ABR: variants seen among roughly 807,000 people sequenced by gnomAD.
The protein encoded by ABR is active breakpoint cluster region-related protein.
ABR carries 35 observed loss-of-function variants against 107.2 expected under a neutral mutation model. The ratio of observed to expected loss-of-function variants is 0.33; its 90% CI spans 0.25 to 0.43. ABR has a LOEUF of 0.43. Ranked by LOEUF, ABR falls within the 20% of genes least tolerant of loss-of-function variation. ABR has a pLI of 1.00. For synonymous variants in ABR, 498 were observed against 462.0 expected, an observed-to-expected ratio of 1.08 and a Z score of -1.00; for missense variants, 815 against 1,115.2, an observed-to-expected ratio of 0.73 and a Z score of 3.83.
At chr17:1,026,443 A>G (rs1003412420) in intron 16 of ABR, among the ~76,000 whole-genome samples, 5 of 152,200 alleles carry the variant, frequency 3.3e-5, no homozygotes, top group Admixed American at 3.3e-4. Flanking sequence ...GGCTGGGGTC[A>G]CGGTCCAGAA....
At chr17:1,049,478 T>G (rs1159656907) in intron 16 of ABR, among the ~76,000 whole-genome samples, 1 of 152,114 alleles carries the variant, frequency 6.6e-6, no homozygotes. Flanking sequence ...ATAAATACCC[T>G]TAACCCGAGG....
intron 16 of ABR, among the ~76,000 whole-genome samples, chr17:1,018,292 TC>T (rs2071354093): frequency 1.3e-5 from 2 of 152,268 alleles, no homozygotes; most frequent in South Asian, 4.1e-4. Context: ...TTCGCCCACC[TC>T]GGCCTCCCAA....
chr17:1,029,829 G>A (rs1276496950), intron 16 of ABR, among the ~76,000 whole-genome samples: 4 of 96,786 alleles, frequency 4.1e-5, no homozygotes, highest in African/African-American at 6.1e-5. Flanking sequence ...TCCACGACAC[G>A]GACACACTGT....
intron 16 of ABR, among the ~76,000 whole-genome samples, chr17:1,029,045 G>C (rs2072482476): frequency 6.6e-6 from 1 of 151,444 alleles, no homozygotes; most frequent in Non-Finnish European, 1.5e-5. Flanking sequence ...CTAGAAGAGG[G>C]AAGGATGGGA....
At chr17:1,182,399 G>C (rs949972900), upstream of ABR, 1 of 152,362 alleles carries the variant, frequency 6.6e-6, no homozygotes, top group Non-Finnish European at 1.5e-5. Context: ...ACAGAGTCTC[G>C]CTCTGTCGCC....
chr17:1,052,312 C>A (rs564286588), intron 14 of ABR, among the ~76,000 whole-genome samples: 7 of 150,466 alleles, frequency 4.7e-5, no homozygotes, highest in Admixed American at 6.7e-5. Context: ...GGATTGATCT[C>A]GGTGTGAGCC....
intron 10 of ABR, among the ~76,000 whole-genome samples, chr17:1,062,900 T>G (rs2034198054): frequency 7.0e-6 from 1 of 143,844 alleles, no homozygotes. Flanking sequence ...GGGCTATGCA[T>G]GTTCCTCTAG....
At chr17:1,166,635 C>A (rs1224746037) in intron 1 of ABR, among the ~76,000 whole-genome samples, 1 of 152,216 alleles carries the variant, frequency 6.6e-6, no homozygotes, top group Non-Finnish European at 1.5e-5. Flanking sequence ...GCTTGGAGGG[C>A]AGATGCTGCA....
At chr17:1,009,158 T>A (rs1343596328) in intron 21 of ABR, among the ~76,000 whole-genome samples, 2 of 151,228 alleles carry the variant, frequency 1.3e-5, no homozygotes, top group African/African-American at 2.4e-5. Context: ...TGTATCCTCC[T>A]GCTGTCTGTC....
chr17:1,036,764 G>A (rs903997094), intron 16 of ABR, among the ~76,000 whole-genome samples: 1 of 152,126 alleles, frequency 6.6e-6, no homozygotes, highest in Non-Finnish European at 1.5e-5. Flanking sequence ...CTTACTGTGT[G>A]TTCTGACCAT....
Position 1,197,052 on chromosome 17 carries a change from G to A in ABR, c.838+31741C>T, listed in dbSNP as rs368283816. On this transcript the variant is annotated intron_variant, in intron 1 of 22. Transcript: ENST00000574139. ...GCTCAGAAACCTTCCCAAATGCTCC[G>A]GGAACCCCGGCTCCCCTGCAGTGCC... 3.3e-5 allele frequency among the ~76,000 whole-genome samples: 5 copies of A among 151,578 alleles called. No individual in the cohort carries two copies. The East Asian group carries it at 5.8e-4, about 18-fold the overall frequency.
chr17:1,133,814 C>G (rs555784621), intron 1 of ABR, among the ~76,000 whole-genome samples: 4 of 152,340 alleles, frequency 2.6e-5, no homozygotes, highest in Non-Finnish European at 5.9e-5. Flanking sequence ...CTGCCTCTCT[C>G]ATTACCAGGA....
intron 10 of ABR, among the ~76,000 whole-genome samples, chr17:1,064,211 A>C (rs1597629898): frequency 1.6e-5 from 2 of 126,758 alleles, no homozygotes; most frequent in African/African-American, 2.9e-5. Flanking sequence ...ACGTGAACTG[A>C]GGGCTATGCA....
chr17:1,129,371 GC>G (rs2039728284), intron 1 of ABR, among the ~76,000 whole-genome samples: 1 of 151,562 alleles, frequency 6.6e-6, no homozygotes, highest in Non-Finnish European at 1.5e-5. Context: ...AGCCATACTG[GC>G]TACAAAAAAA....
Position 1,010,046 on chromosome 17 carries a change from T to A in ABR, c.2237-262A>T. The A allele has an allele frequency of 1.8e-6, 1 of 569,360 alleles. No individual in the cohort carries two copies. The highest frequency in any genetic ancestry group is 2.1e-5 in the South Asian group (1 of 48,726). 35.3% of individuals were successfully genotyped at this position (569,360 alleles called of 1,614,324 possible). On this transcript the variant is annotated intron_variant, in intron 20 of 22. Transcript: ENST00000302538. This position sits in a 1 kb window ranked among gnomAD's most constrained non-coding sequence, Gnocchi z 4.1. ...TTCCTGCAGCTGACTGCATAGGCCTTGGGTGCTGGGGCATCCCCTGTCTCG... is the reference window on the plus strand; with the variant it reads ...TTCCTGCAGCTGACTGCATAGGCCTAGGGTGCTGGGGCATCCCCTGTCTCG...
chr17:1,202,246 T>A (rs2150720178), intron 1 of ABR, among the ~76,000 whole-genome samples: 1 of 152,168 alleles, frequency 6.6e-6, no homozygotes, highest in African/African-American at 2.4e-5. Context: ...TAGGCTGGTC[T>A]CCAACTCCCG....
rs138494127 is a variant in ABR, at chr17:1,090,310, G to A, written c.531+1355C>T. On this transcript the variant is annotated intron_variant, in intron 4 of 22. Transcript: ENST00000302538. ...CAAAGGGTCTCTCGAGCCATTCCTC[G>A]GAGCCTGACCTTCATCCGAGGGCCG... 2.8e-3 allele frequency among the ~76,000 whole-genome samples: 422 copies of A among 152,254 alleles called. 1 individual carries two copies. The highest frequency in any genetic ancestry group is 9.1e-3 in the African/African-American group (380 of 41,548).
At chr17:1,063,360 G>T (rs1490865477) in intron 10 of ABR, among the ~76,000 whole-genome samples, 35 of 128,544 alleles carry the variant, frequency 2.7e-4, no homozygotes, top group East Asian at 7.1e-4. Context: ...TACGTGAACT[G>T]AGGGCTATAC....
At chr17:1,189,224 A>G (rs749296275), upstream of ABR, among the ~76,000 whole-genome samples, 2 of 152,206 alleles carry the variant, frequency 1.3e-5, no homozygotes, top group Non-Finnish European at 2.9e-5. Context: ...CTGACATCAA[A>G]GATATGAAGA....
Sources: gnomAD v4.1 joint callset for allele counts (sites outside exome capture counted in the v4.1 genomes callset) on GRCh38, gnomAD v4.1.1 for gene constraint, Gnocchi (gnomAD v3.1) non-coding constraint, MANE v1.5 for transcripts, NCBI Gene and HGNC (gene_info 2026-07-23, HGNC 2026-07-21) for gene names.